Variants in FANCL observed in about 807,000 individuals in gnomAD.
The protein encoded by FANCL is E3 ubiquitin-protein ligase FANCL.
In FANCL, 69 loss-of-function variants were observed where a neutral mutation model predicts 59.4. The observed-to-expected ratio is 1.16, with a 90% CI of 0.96 to 1.42. The LOEUF (loss-of-function observed/expected upper bound fraction) is 1.42, where lower values mean the gene tolerates loss of function less well. FANCL is among the 40% of genes most tolerant of loss of function. The pLI, the probability that FANCL is intolerant of heterozygous loss-of-function variation, is 0.00. For missense variants in FANCL, 519 were observed against 447.2 expected, an observed-to-expected ratio of 1.16 and a Z score of -1.45; for synonymous variants, 180 against 147.1, an observed-to-expected ratio of 1.22 and a Z score of -1.62.
chr2:58,232,856 C>A (rs1693708600), intron 1 of FANCL, among the ~76,000 whole-genome samples: 1 of 151,682 alleles, frequency 6.6e-6, no homozygotes, highest in Non-Finnish European at 1.5e-5. Context: ...GCAAAAATAG[C>A]AGAAAAAGAC....
chr2:58,165,932 C>A, intron 7 of FANCL, 58 bp from the exon 8 acceptor site: 2 of 1,554,146 alleles, frequency 1.3e-6, no homozygotes, highest in Non-Finnish European at 1.8e-6. Flanking sequence ...AGCAGATAAT[C>A]TTTTACTTAA....
At chr2:58,209,518 A>G (rs7577402) in intron 5 of FANCL, among the ~76,000 whole-genome samples, 5,002 of 152,232 alleles carry the variant, frequency 0.033, 306 homozygotes, top group African/African-American at 0.11. Context: ...ATGTTTTACA[A>G]AAAATTATCA....
At chr2:58,185,151 A>T (rs1688280698) in intron 7 of FANCL, among the ~76,000 whole-genome samples, 1 of 152,086 alleles carries the variant, frequency 6.6e-6, no homozygotes, top group Non-Finnish European at 1.5e-5. Context: ...TATGGTGAAA[A>T]ATCAAAGGTC....
chr2:58,212,734 T>C (rs1233380524), intron 5 of FANCL, among the ~76,000 whole-genome samples: 2 of 152,144 alleles, frequency 1.3e-5, no homozygotes, highest in African/African-American at 4.8e-5. Flanking sequence ...ATCACTTACC[T>C]TTGTGAGCCA....
chr2:58,166,931 G>A (rs945391734), intron 7 of FANCL, among the ~76,000 whole-genome samples: 3 of 152,184 alleles, frequency 2.0e-5, no homozygotes, highest in African/African-American at 4.8e-5. Flanking sequence ...TTTAAAAAGT[G>A]GGCCAGGTGC....
At chr2:58,167,825 G>A (rs1686106266) in intron 7 of FANCL, among the ~76,000 whole-genome samples, 1 of 152,088 alleles carries the variant, frequency 6.6e-6, no homozygotes, top group South Asian at 2.1e-4. Context: ...GTTGGACATA[G>A]AAACACTTCT....
At chr2:58,177,085 C>A (rs1016613036) in intron 7 of FANCL, among the ~76,000 whole-genome samples, 2 of 152,192 alleles carry the variant, frequency 1.3e-5, no homozygotes, top group Non-Finnish European at 2.9e-5. Flanking sequence ...AACGAGATAT[C>A]ATCTCACACC....
At chr2:58,225,393 G>A (rs1028884993) in intron 4 of FANCL, among the ~76,000 whole-genome samples, 9 of 151,918 alleles carry the variant, frequency 5.9e-5, no homozygotes, top group African/African-American at 2.2e-4. Flanking sequence ...GTTCTCTACA[G>A]AAGATTTTCA....
At chr2:58,186,950 C>T (rs565726138) in intron 7 of FANCL, among the ~76,000 whole-genome samples, 5 of 152,192 alleles carry the variant, frequency 3.3e-5, no homozygotes, top group South Asian at 2.1e-4. Context: ...AATAGGAATG[C>T]TTTTACACTG....
chr2:58,159,567 A>C lies in FANCL; in HGVS notation c.*198T>G. ...CGGGGATCACAGACTTAGAAAGTTCAACTGGACTTTGGCCTACAATTTCCC... is the reference window on the plus strand; with the variant it reads ...CGGGGATCACAGACTTAGAAAGTTCCACTGGACTTTGGCCTACAATTTCCC... On this transcript the variant is annotated 3_prime_UTR_variant, in exon 14 of 14. Transcript: ENST00000233741. The C allele has an allele frequency of 1.2e-6, 2 of 1,613,880 alleles. No individual in the cohort carries two copies. The highest frequency in any genetic ancestry group is 8.5e-7 in the Non-Finnish European group (1 of 1,179,820).
chr2:58,193,798 G>A (rs1000159532), intron 7 of FANCL, among the ~76,000 whole-genome samples: 41 of 152,008 alleles, frequency 2.7e-4, no homozygotes, highest in African/African-American at 9.9e-4. Context: ...TTTTAAACTC[G>A]ATTTATTTTT....
chr2:58,217,689 G>T (rs1247269590), intron 5 of FANCL, among the ~76,000 whole-genome samples: 1 of 151,144 alleles, frequency 6.6e-6, no homozygotes, highest in Admixed American at 6.6e-5. Context: ...ACTGCAAATA[G>T]ACATAAAGCA....
At chr2:58,168,177 ACAGCTCCAGTCTG>A (rs1347813695) in intron 7 of FANCL, among the ~76,000 whole-genome samples, 1 of 152,220 alleles carries the variant, frequency 6.6e-6, no homozygotes, top group African/African-American at 2.4e-5. Flanking sequence ...CCAAACAGGA[ACAGCTCCAGTCTG>A]CAGCTCCCAG....
chr2:58,234,963 T>C (rs1277306568), intron 1 of FANCL, among the ~76,000 whole-genome samples: 1 of 151,974 alleles, frequency 6.6e-6, no homozygotes, highest in Admixed American at 6.6e-5. Flanking sequence ...GCGAGGACAG[T>C]GATCCTTGAA....
At chr2:58,214,200 T>C (rs937992836) in intron 5 of FANCL, among the ~76,000 whole-genome samples, 4 of 152,220 alleles carry the variant, frequency 2.6e-5, no homozygotes, top group Non-Finnish European at 5.9e-5. Context: ...GCAATTATAT[T>C]GTGATAAGTG....
intron 5 of FANCL, among the ~76,000 whole-genome samples, chr2:58,212,737 G>A (rs886631789): frequency 2.0e-5 from 3 of 151,754 alleles, no homozygotes; most frequent in East Asian, 1.9e-4. Flanking sequence ...ACTTACCTTT[G>A]TGAGCCAGTG....
Position 58,186,022 on chromosome 2 carries a change from T to C in FANCL, c.540+12572A>G, listed in dbSNP as rs572435823. Reference sequence around the variant, plus strand: ...GTCAGTGCCTATTACCCACTGTTAGTTATACAGTAGTCACAGAAAATTTTT... The same window carrying C: ...GTCAGTGCCTATTACCCACTGTTAGCTATACAGTAGTCACAGAAAATTTTT... On this transcript the variant is annotated intron_variant, in intron 7 of 13. Transcript: ENST00000233741. 2.5e-4 allele frequency among the ~76,000 whole-genome samples: 38 copies of C among 152,290 alleles called. 1 individual carries two copies. The South Asian group carries it at 7.5e-3, about 30-fold the overall frequency.
At chr2:58,198,707 T>G (rs1232518935) in intron 6 of FANCL, 45 bp from the exon 7 acceptor site, 1 of 1,457,126 alleles carries the variant, frequency 6.9e-7, no homozygotes, top group South Asian at 1.1e-5. Flanking sequence ...TTCTGTGTGT[T>G]AATATCACTG....
At chr2:58,237,195 T>A (rs1694102681) in intron 1 of FANCL, among the ~76,000 whole-genome samples, 1 of 152,166 alleles carries the variant, frequency 6.6e-6, no homozygotes, top group Non-Finnish European at 1.5e-5. Context: ...ACACAGTATA[T>A]TCACCAGGAT....
Sources: allele counts gnomAD v4.1 joint callset (sites outside exome capture counted in the v4.1 genomes callset), GRCh38; gene constraint gnomAD v4.1.1; transcripts MANE v1.5; gene names NCBI Gene and HGNC (gene_info 2026-07-23, HGNC 2026-07-21).